Variants in SLC16A8 observed in about 807,000 individuals in gnomAD.
SLC16A8 encodes monocarboxylate transporter 3.
In SLC16A8, 20 loss-of-function variants were observed where a neutral mutation model predicts 22.4. The ratio of observed to expected loss-of-function variants is 0.89; its 90% confidence interval spans 0.63 to 1.30. SLC16A8 has a LOEUF of 1.30. Among genes scored for constraint, SLC16A8 ranks in the 50% most tolerant of loss-of-function variants. SLC16A8 has a pLI of 0.00. For missense variants in SLC16A8, 817 were observed against 740.3 expected (o/e 1.10, Z -1.20); for synonymous variants, 393 against 358.8 (o/e 1.10, Z -1.08).
chr22:38,081,743 G>T, intron 4 of SLC16A8, 64 bp from the exon 5 acceptor site: 1 of 1,457,190 alleles, frequency 6.9e-7, no homozygotes. Flanking sequence ...CCACAGGAGG[G>T]AGGGGCCAGG....
intron 3 of SLC16A8, 119 bp downstream of exon 3, chr22:38,082,541 G>T: frequency 1.2e-6 from 1 of 831,102 alleles, no homozygotes; most frequent in Non-Finnish European, 1.8e-6. Flanking sequence ...GTTCCCACAG[G>T]CAGGAAGGGA....
rs1219474638 is a variant in SLC16A8 at position 38,084,173 on chromosome 22, C to G, written c.-514G>C. 6.6e-6 allele frequency: 1 copy of G among 152,314 alleles called. No individual in the cohort carries two copies. Among genetic ancestry groups the G allele is most frequent in the East Asian group, 1.9e-4 (1 of 5,188 alleles). 9.4% of individuals were successfully genotyped at this position (152,314 alleles called of 1,614,324 possible). ...GACGCTCCCTGCCCCAGGCCTGGAG[C>G]TTAGAGTGTGTGCCCCCACCACACC... is the stretch of plus-strand genomic sequence containing the variant. On this transcript the variant is annotated 5_prime_UTR_variant, in exon 1 of 6. Transcript: ENST00000681075.
chr22:38,083,792 G>A (rs1258437542), intron 1 of SLC16A8, among the ~76,000 whole-genome samples, 196 bp downstream of exon 1: 1 of 89,624 alleles, frequency 1.1e-5, no homozygotes, highest in African/African-American at 5.1e-5. Context: ...GCTGGGGATA[G>A]CCTCCTGCCC....
At position 38,082,710 on chromosome 22, in the gene SLC16A8, C is replaced by A; in HGVS notation, c.164G>T (p.Ser55Ile). ...GATGGAGGACACCCAGGCCGTGTCG[C>A]TGTAGCCGGCGTCGAAGTCGCGCAT... The part of the protein sequence containing the change: ...ALMRDFDAGY[S>I]DTAWVSSIML... Residue 55 changes from serine to isoleucine, a missense_variant, in exon 3 of 6, where the codon AGC becomes ATC. Transcript: ENST00000681075. The A allele has an allele frequency of 6.3e-7, 1 of 1,591,024 alleles. No homozygotes were observed. Among genetic ancestry groups the A allele is most frequent in the Non-Finnish European group, 8.5e-7 (1 of 1,170,580 alleles).
rs1211913962 is a variant in SLC16A8 at position 38,081,621 on chromosome 22, C to T, written c.417G>A (p.Glu139=). 6.6e-7 allele frequency: 1 copy of T among 1,521,710 alleles called. No individual in the cohort carries two copies. Among genetic ancestry groups the T allele is most frequent in the Admixed American group, 2.0e-5 (1 of 48,918 alleles). The allele number at this position is 1,521,710 out of a possible 1,614,324, so 94.3% of individuals were successfully genotyped here. A position where few individuals can be genotyped will look rare whatever the true frequency, so the allele number is the denominator to read the frequency against. Residue 139 remains glutamate (E), a synonymous_variant, in exon 5 of 6, where the codon GAG becomes GAA. Coordinates refer to ENST00000681075, the MANE Select transcript of SLC16A8 (RefSeq NM_013356.3). ...PSLIMLGLYF[E]RRRPLANGLA... ...GCCCGTTGGCCAGAGGCCGCCGCCGCTCGAAGTACAGCCCCAGCATGATGA... is the reference window on the plus strand; with the variant it reads ...GCCCGTTGGCCAGAGGCCGCCGCCGTTCGAAGTACAGCCCCAGCATGATGA...
intron 3 of SLC16A8, 151 bp from the exon 4 acceptor site, chr22:38,082,183 C>G (rs541203267): frequency 3.4e-4 from 336 of 997,308 alleles, no homozygotes; most frequent in Non-Finnish European, 4.4e-4. Context: ...AGACAGCATC[C>G]TGCGAGGGCA....
At chr22:38,080,757 A>G in intron 5 of SLC16A8, 83 bp downstream of exon 5, 1 of 1,423,798 alleles carries the variant, frequency 7.0e-7, no homozygotes, top group Non-Finnish European at 9.2e-7. Flanking sequence ...CATCCCTGGA[A>G]GTTCCATCTG....
intron 5 of SLC16A8, among the ~76,000 whole-genome samples, chr22:38,079,054 T>C (rs2085883922): frequency 6.6e-6 from 1 of 152,134 alleles, no homozygotes. Context: ...TGGGCTTAGC[T>C]CTGCCCTCCT....
Position 38,078,435 on chromosome 22 carries a change from C to G in SLC16A8, c.1468G>C (p.Glu490Gln), listed in dbSNP as rs758378855. ...CTCGGCCTCGCCTCTATTTCTGGTT[C>G]TGTGGGCTCGCCCCGGGCGCTGAGC... ...EVLSARGEPT[E>Q]PEIEARPRLA... The change falls in exon 6 of 6, where the codon GAA (glutamate) becomes CAA (glutamine). Residue 490 changes from glutamate to glutamine, a missense_variant. Coordinates refer to ENST00000681075, the MANE Select transcript of SLC16A8 (RefSeq NM_013356.3). The G allele has an allele frequency of 3.1e-6, 5 of 1,611,196 alleles. No individual in the cohort carries two copies. Among genetic ancestry groups the G allele is most frequent in the Non-Finnish European group, 4.2e-6 (5 of 1,179,712 alleles).
At position 38,081,063 on chromosome 22, in the gene SLC16A8, C is replaced by G. The variant is rs115490807; in HGVS notation, c.975G>C (p.Leu325=). The change falls in exon 5 of 6, where the codon CTG becomes CTC. Residue 325 remains leucine, a synonymous_variant. Coordinates refer to ENST00000681075, the MANE Select transcript of SLC16A8 (RefSeq NM_013356.3). ...CTGTGAGCCCATTGGCCAGCAGGGCCAGGCTGAACAGATACGGGACGTGCG... is the reference window on the plus strand; with the variant it reads ...CTGTGAGCCCATTGGCCAGCAGGGCGAGGCTGAACAGATACGGGACGTGCG... ...LRPHVPYLFS[L]ALLANGLTDL... The G allele has an allele frequency of 1.3e-6, 2 of 1,582,960 alleles. No homozygotes were observed. Among genetic ancestry groups the G allele is most frequent in the South Asian group, 2.3e-5 (2 of 87,842 alleles).
At chr22:38,082,063 C>A in intron 3 of SLC16A8, 31 bp from the exon 4 acceptor site, 1 of 1,552,218 alleles carries the variant, frequency 6.4e-7, no homozygotes, top group Non-Finnish European at 8.7e-7. Flanking sequence ...CCACCCGGGT[C>A]CCGGGATGGC....
In SLC16A8 at chr22:38,082,033, C is replaced by T. The variant is rs1211856824; in HGVS notation, c.215-1G>A. 2 of 1,577,100 alleles carry T rather than the reference C, an allele frequency of 1.3e-6. No homozygotes were observed. Among genetic ancestry groups the T allele is most frequent in the Non-Finnish European group, 1.7e-6 (2 of 1,161,908 alleles). Reference sequence around the variant, plus strand: ...GTCACGAGGATGCTGGACACGGGGCCTGTGGGCAGGGCAGGGTCACCACCC... The same window carrying T: ...GTCACGAGGATGCTGGACACGGGGCTTGTGGGCAGGGCAGGGTCACCACCC... On this transcript the variant is annotated splice_acceptor_variant, in intron 3 of 5. Coordinates refer to ENST00000681075, the MANE Select transcript of SLC16A8 (RefSeq NM_013356.3). LOFTEE classifies it high-confidence loss of function.
Position 38,081,104 on chromosome 22 carries a change from GGCCCGCCAGGGCGCC to G in SLC16A8, c.919_933del (p.Gly307_Gly311del). The G allele has an allele frequency of 6.5e-7, 1 of 1,549,154 alleles. No homozygotes were observed. On this transcript the variant is annotated inframe_deletion, in exon 5 of 6. Transcript: ENST00000681075. ...GGGACGTGCGGCCGCAGACGCGCCA[GGCCCGCCAGGGCGCC>G]GCACGCCGGGCGCGCCACGATGTCC...
intron 1 of SLC16A8, 85 bp from the exon 2 acceptor site, chr22:38,083,446 C>T (rs2085951549): frequency 6.6e-6 from 1 of 152,586 alleles, no homozygotes; most frequent in Admixed American, 6.5e-5. Context: ...CATCTCAGCT[C>T]AGCCATGGAT....
Position 38,078,699 on chromosome 22 carries a change from G to A in SLC16A8, c.1204C>T (p.Leu402=). 1 of 1,602,452 alleles carries A rather than the reference G, an allele frequency of 6.2e-7. No individual in the cohort carries two copies. The highest frequency in any genetic ancestry group is 8.5e-7 in the Non-Finnish European group (1 of 1,170,354). ...VLIGPPSAGR[L]VDVLKNYEII... ...TCATAGTTCTTCAACACATCCACCA[G>A]GCGGCCTGGGGAGGAGGAGGAAGAG... is the stretch of plus-strand genomic sequence containing the variant. The change falls in exon 6 of 6, where the codon CTG becomes TTG. Residue 402 remains leucine, a synonymous_variant. Transcript: ENST00000681075.
At position 38,080,999 on chromosome 22, in the gene SLC16A8, C is replaced by T. The variant is rs775028837; in HGVS notation, c.1039G>A (p.Val347Ile). 1 of 1,598,466 alleles carries T rather than the reference C, an allele frequency of 6.3e-7. No homozygotes were observed. The highest frequency in any genetic ancestry group is 8.5e-7 in the Non-Finnish European group (1 of 1,177,844). Residue 347 changes from valine to isoleucine, a missense_variant, in exon 5 of 6, where the codon GTC becomes ATC. Physicochemically the swap from Val to Ile is conservative, Grantham distance 29 (BLOSUM62 3). Coordinates refer to ENST00000681075, the MANE Select transcript of SLC16A8 (RefSeq NM_013356.3). Reference protein sequence around the residue: ...SARARSYGALVAFCVAFGLSY... With the variant: ...SARARSYGALIAFCVAFGLSY... ...AGGCCGAAGGCGACGCAGAAGGCGA[C>T]GAGGGCGCCGTAGGAGCGCGCGCGT...
rs2085877572 is a variant in SLC16A8, at chr22:38,078,547, A to T, written c.1356T>A (p.Ser452Arg). ...PSGPGTEGGA[S>R]DTEDAEAEGD... The stretch of plus-strand genomic sequence containing the variant: ...CTTCAGCCTCAGCGTCCTCAGTGTC[A>T]CTGGCTCCGCCCTCAGTGCCTGGGC... The change falls in exon 6 of 6, where the codon AGT becomes AGA. Residue 452 changes from serine to arginine, a missense_variant. Physicochemically the swap from Ser to Arg is moderately radical, Grantham distance 110. Transcript: ENST00000681075. The T allele has an allele frequency of 6.2e-7, 1 of 1,614,012 alleles. No individual in the cohort carries two copies. The highest frequency in any genetic ancestry group is 1.7e-5 in the Admixed American group (1 of 60,016).
Position 38,080,953 on chromosome 22 carries a change from G to A in SLC16A8, c.1085C>T (p.Ala362Val). 6.3e-7 allele frequency: 1 copy of A among 1,591,320 alleles called. No homozygotes were observed. The highest frequency in any genetic ancestry group is 8.5e-7 in the Non-Finnish European group (1 of 1,174,432). ...AFGLSYGMVGALQFEVLMAAV... is the reference protein window; with the variant it reads ...AFGLSYGMVGVLQFEVLMAAV... Reference sequence around the variant, plus strand: ...CGCCATGAGCACCTCGAACTGCAGCGCGCCCACCATGCCGTAGGAGAGGCC... The same window carrying A: ...CGCCATGAGCACCTCGAACTGCAGCACGCCCACCATGCCGTAGGAGAGGCC... Residue 362 changes from alanine (A) to valine (V), a missense_variant, in exon 5 of 6, where the codon GCG becomes GTG. Ala to Val is a moderately conservative substitution (Grantham distance 64, BLOSUM62 0). Transcript: ENST00000681075.
chr22:38,082,474 C>T (rs1338783615), intron 3 of SLC16A8, among the ~76,000 whole-genome samples, 186 bp downstream of exon 3: 1 of 152,238 alleles, frequency 6.6e-6, no homozygotes, highest in African/African-American at 2.4e-5. Flanking sequence ...CTGGGCCGGC[C>T]CCGCCTCTGG....
Sources: gnomAD v4.1 joint callset for allele counts (sites outside exome capture counted in the v4.1 genomes callset) on GRCh38, gnomAD v4.1.1 for gene constraint, MANE v1.5 for transcripts, NCBI Gene and HGNC (gene_info 2026-07-23, HGNC 2026-07-21) for gene names.